Variants in PHACTR3 observed in about 807,000 individuals in gnomAD.
The protein encoded by PHACTR3 is protein phosphatase 1, regulatory subunit 123.
PHACTR3 carries 16 observed loss-of-function variants against 66.8 expected under a neutral mutation model. The observed-to-expected ratio is 0.24, with a 90% confidence interval of 0.16 to 0.36. The LOEUF (loss-of-function observed/expected upper bound fraction) is 0.36, where lower values mean the gene tolerates loss of function less well. Among genes scored for constraint, PHACTR3 ranks in the 10% least tolerant of loss-of-function variants. PHACTR3 has a pLI of 1.00. For missense variants in PHACTR3, 647 were observed against 719.9 expected (o/e 0.90, Z 1.16); for synonymous variants, 323 against 292.1 (o/e 1.11, Z -1.08).
rs1384633391 is a variant in PHACTR3, at chr20:59,736,236, A to G, written c.119-6871A>G. ...CCCATTAATTAACCTCTAATGCCTC[A>G]GAGGTGGCAGAGGTGCAGTGGAACC... On this transcript the variant is annotated intron_variant, in intron 1 of 12. Coordinates refer to ENST00000371015, the MANE Select transcript of PHACTR3 (RefSeq NM_080672.5). This position sits in a 1 kb window ranked among gnomAD's most constrained non-coding sequence, Gnocchi z 4.6. 6.6e-6 allele frequency among the ~76,000 whole-genome samples: 1 copy of G among 152,124 alleles called. No homozygotes were observed.
intron 7 of PHACTR3, among the ~76,000 whole-genome samples, chr20:59,789,019 C>T (rs745684296): frequency 1.3e-5 from 2 of 152,172 alleles, no homozygotes; most frequent in African/African-American, 4.8e-5. Flanking sequence ...CATGATGAAG[C>T]GATGGTAGCT....
At chr20:59,590,382 C>G (rs1428011512) in intron 1 of PHACTR3, among the ~76,000 whole-genome samples, 1 of 152,162 alleles carries the variant, frequency 6.6e-6, no homozygotes. Context: ...ACTGGATGAG[C>G]TGGGACAGGA....
intron 1 of PHACTR3, among the ~76,000 whole-genome samples, chr20:59,720,678 C>T (rs549681712): frequency 1.7e-4 from 26 of 152,266 alleles, no homozygotes; most frequent in Admixed American, 6.5e-4. Context: ...TTGTGTTTGC[C>T]GTGCATTTTT....
At chr20:59,629,330 G>GGAAGGCCCTGGCTGCCTGA (rs1251397218) in intron 1 of PHACTR3, among the ~76,000 whole-genome samples, 1 of 152,180 alleles carries the variant, frequency 6.6e-6, no homozygotes. Context: ...CTTCTTCCCA[G>GGAAGGCCCTGGCTGCCTGA]GAAGGCCCTG....
chr20:59,724,062 G>A (rs555820010), intron 1 of PHACTR3, among the ~76,000 whole-genome samples: 53 of 152,232 alleles, frequency 3.5e-4, no homozygotes, highest in African/African-American at 1.2e-3. Flanking sequence ...GGTCACACCT[G>A]ACCTGAGCAG....
intron 5 of PHACTR3, among the ~76,000 whole-genome samples, chr20:59,772,950 A>G (rs888573154): frequency 3.9e-5 from 6 of 152,196 alleles, no homozygotes; most frequent in African/African-American, 1.4e-4. Flanking sequence ...AAGAACAAGA[A>G]GCAGCTTCAG....
chr20:59,650,127 A>C (rs2035414211), intron 1 of PHACTR3, among the ~76,000 whole-genome samples: 1 of 152,184 alleles, frequency 6.6e-6, no homozygotes, highest in Admixed American at 6.5e-5. Context: ...CTGTGTTTCT[A>C]CTATGAAACA....
At chr20:59,627,900 A>G (rs943883470) in intron 1 of PHACTR3, among the ~76,000 whole-genome samples, 1 of 152,094 alleles carries the variant, frequency 6.6e-6, no homozygotes, top group Non-Finnish European at 1.5e-5. Flanking sequence ...CAATATATCT[A>G]TAATCTGTCA....
At chr20:59,707,800 A>AC (rs1164187836) in intron 1 of PHACTR3, among the ~76,000 whole-genome samples, 3 of 151,838 alleles carry the variant, frequency 2.0e-5, no homozygotes, top group East Asian at 3.9e-4. Context: ...CGTGCCTGCT[A>AC]CCCCTTCACC....
chr20:59,584,969 C>T (rs1258116976), intron 1 of PHACTR3, among the ~76,000 whole-genome samples: 2 of 152,126 alleles, frequency 1.3e-5, no homozygotes, highest in African/African-American at 4.8e-5. Context: ...ACGCCTTCTC[C>T]AAATATTGCA....
At chr20:59,756,599 G>A (rs1363840206) in intron 4 of PHACTR3, among the ~76,000 whole-genome samples, 5 of 152,084 alleles carry the variant, frequency 3.3e-5, no homozygotes, top group African/African-American at 1.2e-4. Flanking sequence ...GAGGGTCCCA[G>A]CTCTCACGCA....
At chr20:59,726,648 T>G (rs759572827) in intron 1 of PHACTR3, among the ~76,000 whole-genome samples, 2 of 152,188 alleles carry the variant, frequency 1.3e-5, no homozygotes, top group Non-Finnish European at 2.9e-5. Context: ...ACATCAAATT[T>G]ACCATTTCAA....
intron 1 of PHACTR3, among the ~76,000 whole-genome samples, chr20:59,711,992 T>C (rs1451194030): frequency 6.6e-6 from 1 of 152,216 alleles, no homozygotes; most frequent in African/African-American, 2.4e-5. Context: ...GACTTTTTTT[T>C]CATTGATTGT....
chr20:59,742,154 C>T (rs1040820196), intron 1 of PHACTR3, among the ~76,000 whole-genome samples: 1 of 152,216 alleles, frequency 6.6e-6, no homozygotes, highest in Non-Finnish European at 1.5e-5. Context: ...ACACTGGTGG[C>T]GTGTGCGTGT....
chr20:59,795,915 CTATT>C (rs1185858499), intron 7 of PHACTR3, among the ~76,000 whole-genome samples: 1 of 152,068 alleles, frequency 6.6e-6, no homozygotes, highest in African/African-American at 2.4e-5. Context: ...TTTTAAAAAT[CTATT>C]TAGCCACTCT....
intron 5 of PHACTR3, among the ~76,000 whole-genome samples, chr20:59,772,867 G>A (rs1048003527): frequency 1.3e-5 from 2 of 152,218 alleles, no homozygotes; most frequent in Non-Finnish European, 2.9e-5. Context: ...AACAGATGCT[G>A]TGGGGAGGGC....
rs537631418 is a variant in PHACTR3, at chr20:59,769,434, C to T, written c.751+2039C>T. Among the ~76,000 whole-genome samples, 19 of 152,334 alleles carry T rather than the reference C, an allele frequency of 1.2e-4. No individual in the cohort carries two copies. In the East Asian group the frequency reaches 3.3e-3, roughly 26 times the overall value. Reference sequence around the variant, plus strand: ...GGATGGGACTGATGCATCCACAGAACGCCAAGAATTTTCCGGGGGAGAGGC... The same window carrying T: ...GGATGGGACTGATGCATCCACAGAATGCCAAGAATTTTCCGGGGGAGAGGC... On this transcript the variant is annotated intron_variant, in intron 5 of 12. Transcript: ENST00000371015.
chr20:59,722,275 G>A (rs1470013175), intron 1 of PHACTR3, among the ~76,000 whole-genome samples: 1 of 141,972 alleles, frequency 7.0e-6, no homozygotes, highest in African/African-American at 2.5e-5. Flanking sequence ...TTGAACTGAG[G>A]AAGGTACAGG....
At chr20:59,605,216 G>A in intron 1 of PHACTR3, 84 bp downstream of exon 1, 8 of 980,874 alleles carry the variant, frequency 8.2e-6, no homozygotes, top group Non-Finnish European at 9.3e-6. Flanking sequence ...GAGGCTCCGC[G>A]CCCCGCCTGC....
Sources: allele counts gnomAD v4.1 joint callset (sites outside exome capture counted in the v4.1 genomes callset), GRCh38; gene constraint gnomAD v4.1.1; non-coding constraint Gnocchi (gnomAD v3.1); transcripts MANE v1.5; gene names NCBI Gene and HGNC (gene_info 2026-07-23, HGNC 2026-07-21).